The following RDX variants were observed in gnomAD, a reference collection of about 807,000 sequenced individuals.
RDX encodes deafness, autosomal recessive 24.
Under a neutral mutation model 83.7 loss-of-function variants are expected in RDX, and 32 were observed. That is an observed-to-expected ratio of 0.38 (90% CI 0.29 to 0.51). The LOEUF is 0.51. Among genes scored for constraint, RDX ranks in the 20% least tolerant of loss-of-function variants. RDX has a pLI of 0.87. For missense variants in RDX, 600 were observed against 689.9 expected (o/e 0.87, Z 1.46); for synonymous variants, 229 against 222.7 (o/e 1.03, Z -0.25).
At chr11:110,238,164 T>C (rs532954511) in intron 10 of RDX, among the ~76,000 whole-genome samples, 2 of 152,322 alleles carry the variant, frequency 1.3e-5, no homozygotes, top group African/African-American at 4.8e-5. Context: ...GAAATTAAGA[T>C]TGAAAACAGT....
chr11:110,247,868 T>G (rs1208750575), intron 9 of RDX, 35 bp from the exon 10 acceptor site: 1 of 1,535,622 alleles, frequency 6.5e-7, no homozygotes, highest in Non-Finnish European at 8.8e-7. Context: ...TACAAATTAA[T>G]ACACAAAAAT....
intron 15 of RDX, among the ~76,000 whole-genome samples, chr11:110,194,951 TGTAAGA>T (rs1863171802): frequency 1.3e-5 from 2 of 151,790 alleles, no homozygotes; most frequent in East Asian, 3.9e-4. Flanking sequence ...TCTTGAAGGC[TGTAAGA>T]GTGACTTTTT....
At chr11:110,273,645 C>G (rs1013775305) in intron 2 of RDX, among the ~76,000 whole-genome samples, 4 of 152,210 alleles carry the variant, frequency 2.6e-5, no homozygotes, top group Non-Finnish European at 5.9e-5. Flanking sequence ...CTTAACACGC[C>G]TTACCAAAAT....
At chr11:110,227,214 T>C (rs369012501), downstream of RDX, among the ~76,000 whole-genome samples, 80 of 152,284 alleles carry the variant, frequency 5.3e-4, no homozygotes, top group African/African-American at 1.9e-3. Context: ...TAGCATATAT[T>C]GTAATACAGT....
chr11:110,193,198 G>C (rs1325778266), intron 15 of RDX, among the ~76,000 whole-genome samples: 1 of 152,162 alleles, frequency 6.6e-6, no homozygotes, highest in Admixed American at 6.6e-5. Context: ...AAAAAAGAAT[G>C]AGATCATGTC....
intron 10 of RDX, among the ~76,000 whole-genome samples, chr11:110,240,342 G>C (rs901158404): frequency 6.6e-6 from 1 of 152,104 alleles, no homozygotes; most frequent in Non-Finnish European, 1.5e-5. Flanking sequence ...ATCTCATAAA[G>C]ATAAATAAAC....
At chr11:110,250,568 T>C (rs995973758) in intron 9 of RDX, among the ~76,000 whole-genome samples, 16 of 152,116 alleles carry the variant, frequency 1.1e-4, no homozygotes, top group Non-Finnish European at 2.1e-4. Context: ...TTTCTGCAGA[T>C]GGATGTGCTG....
chr11:110,242,506 T>C (rs955955740), intron 10 of RDX, among the ~76,000 whole-genome samples: 4 of 147,938 alleles, frequency 2.7e-5, no homozygotes, highest in Non-Finnish European at 6.0e-5. Context: ...TCTCTCATAA[T>C]AAAAATTGTT....
chr11:110,266,117 G>C (rs561720475), intron 3 of RDX, among the ~76,000 whole-genome samples: 114 of 150,886 alleles, frequency 7.6e-4, no homozygotes, highest in Non-Finnish European at 1.5e-3. Flanking sequence ...AAAGTCAGGA[G>C]ATCAAGACCA....
chr11:110,232,367 C>T lies in RDX; in HGVS notation c.1588-334G>A, dbSNP rs1864672704. On this transcript the variant is annotated intron_variant, in intron 13 of 13. Coordinates refer to ENST00000645495, the MANE Select transcript of RDX (RefSeq NM_002906.4). ...AAATCTATACCTCAAGGGAAGCCTT[C>T]TCCAAAAGTCTTAATACATTTATTG... Among the ~76,000 whole-genome samples, 5 of 152,108 alleles carry T rather than the reference C, an allele frequency of 3.3e-5. No homozygotes were observed. The South Asian group carries it at 1.0e-3, about 32-fold the overall frequency.
chr11:110,253,938 C>A lies in RDX; in HGVS notation c.959+8G>T, dbSNP rs1272952632. On this transcript the variant is annotated splice_region_variant and intron_variant, in intron 9 of 13. Transcript: ENST00000645495. Reference sequence around the variant, plus strand: ...TCAATTAAAAGTGAAAGGTCATAAACCCCATACCTTTCCAACTGCTTCTGA... The same window carrying A: ...TCAATTAAAAGTGAAAGGTCATAAAACCCATACCTTTCCAACTGCTTCTGA... 1 of 1,612,668 alleles carries A rather than the reference C, an allele frequency of 6.2e-7. No individual in the cohort carries two copies. The highest frequency in any genetic ancestry group is 1.7e-5 in the Admixed American group (1 of 59,964).
At chr11:110,204,538 CAG>C (rs1374488180) in intron 14 of RDX, among the ~76,000 whole-genome samples, 69 of 101,090 alleles carry the variant, frequency 6.8e-4, no homozygotes, top group African/African-American at 2.6e-3. Flanking sequence ...TTTTTTGAGA[CAG>C]AGTTTCACTC....
rs1396039317 is a variant in RDX, at chr11:110,198,615, C to T, written c.*31+966G>A. On this transcript the variant is annotated intron_variant, in intron 15 of 15. Transcript: ENST00000528498. ...GTGCATGCGAGGGTTCCACGTTGCA[C>T]GCTCCTTTATGGGAATCTAATGCCT... Among the ~76,000 whole-genome samples the T allele has an allele frequency of 3.9e-5, 6 of 152,222 alleles. No individual in the cohort carries two copies. In the East Asian group the frequency reaches 5.8e-4, roughly 15 times the overall value.
downstream of RDX, among the ~76,000 whole-genome samples, chr11:110,226,651 TAA>T (rs958546923): frequency 6.6e-6 from 1 of 152,138 alleles, no homozygotes; most frequent in Non-Finnish European, 1.5e-5. Context: ...TTTACCATGA[TAA>T]AAAAAGATTC....
intron 2 of RDX, among the ~76,000 whole-genome samples, chr11:110,274,688 ATTCTT>A (rs1286996106): frequency 5.3e-5 from 8 of 152,168 alleles, no homozygotes; most frequent in African/African-American, 1.9e-4. Flanking sequence ...ACTTCAATAA[ATTCTT>A]TAAAATTGCA....
chr11:110,281,248 C>T (rs1474831014), intron 1 of RDX, among the ~76,000 whole-genome samples: 1 of 151,888 alleles, frequency 6.6e-6, no homozygotes, highest in Non-Finnish European at 1.5e-5. Flanking sequence ...TAGGTAAGGC[C>T]ATTTCCCTAA....
chr11:110,232,660 G>T (rs1156434943), intron 13 of RDX, among the ~76,000 whole-genome samples: 1 of 151,896 alleles, frequency 6.6e-6, no homozygotes, highest in Non-Finnish European at 1.5e-5. Context: ...ACTTACTATT[G>T]TCCAGGCTGA....
intron 1 of RDX, among the ~76,000 whole-genome samples, chr11:110,288,895 A>T (rs1861097354): frequency 6.6e-6 from 1 of 152,160 alleles, no homozygotes; most frequent in Admixed American, 6.5e-5. Context: ...TGACCAAACT[A>T]ATAAGCATCA....
At chr11:110,223,225 G>A (rs555359011) in intron 14 of RDX, among the ~76,000 whole-genome samples, 19 of 152,024 alleles carry the variant, frequency 1.2e-4, no homozygotes, top group Admixed American at 3.3e-4. Context: ...GGTGGTGGGC[G>A]CCTGTGGTCC....
Sources: allele counts gnomAD v4.1 joint callset (sites outside exome capture counted in the v4.1 genomes callset), GRCh38; gene constraint gnomAD v4.1.1; transcripts MANE v1.5; gene names NCBI Gene and HGNC (gene_info 2026-07-23, HGNC 2026-07-21).